The following EPHA6 variants were observed in gnomAD, a reference collection of about 807,000 sequenced individuals.
EPHA6 encodes the protein EPH receptor A6.
Under a neutral mutation model 112.0 loss-of-function variants are expected in EPHA6, and 50 were observed. The ratio of observed to expected loss-of-function variants is 0.45; its 90% CI spans 0.36 to 0.56. The LOEUF is 0.56. Ranked by LOEUF, EPHA6 falls within the 20% of genes least tolerant of loss-of-function variation. The pLI, the probability that EPHA6 is intolerant of heterozygous loss-of-function variation, is 0.00. For synonymous variants in EPHA6, 529 were observed against 490.7 expected, an observed-to-expected ratio of 1.08 and a Z score of -1.03; for missense variants, 1,280 against 1,417.4, an observed-to-expected ratio of 0.90 and a Z score of 1.56.
chr3:97,494,830 G>T (rs1292461036), intron 10 of EPHA6, among the ~76,000 whole-genome samples: 1 of 152,096 alleles, frequency 6.6e-6, no homozygotes, highest in Non-Finnish European at 1.5e-5. Context: ...AATAGTTAAA[G>T]AACAACATGT....
chr3:97,611,713 C>T (rs538890933), intron 13 of EPHA6, among the ~76,000 whole-genome samples: 1 of 151,818 alleles, frequency 6.6e-6, no homozygotes, highest in African/African-American at 2.4e-5. Flanking sequence ...AACTATTTTT[C>T]TCACTTACAA....
intron 12 of EPHA6, among the ~76,000 whole-genome samples, chr3:97,601,393 T>C (rs1011369579): frequency 1.3e-5 from 2 of 152,114 alleles, no homozygotes; most frequent in African/African-American, 4.8e-5. Context: ...TCTATTCCTC[T>C]CCAGAGAGCC....
rs558043768 is a variant in EPHA6 at position 97,440,551 on chromosome 3, T to TA, written c.1732-8009dup. On this transcript the variant is annotated intron_variant, in intron 6 of 17. Coordinates refer to ENST00000389672, the MANE Select transcript of EPHA6 (RefSeq NM_001080448.3). ...AAACCATTAACAAAATCAGAGAAAT[T>TA]AAAAAAAACCCACCACATCTCCAAT... is the stretch of plus-strand genomic sequence containing the variant. Among the ~76,000 whole-genome samples the TA allele has an allele frequency of 5.3e-3, 803 of 150,958 alleles. 10 individuals carry two copies. The highest frequency in any genetic ancestry group is 0.02 in the Admixed American group (307 of 15,154).
At chr3:97,627,367 A>T (rs2093866720) in intron 13 of EPHA6, among the ~76,000 whole-genome samples, 1 of 151,766 alleles carries the variant, frequency 6.6e-6, no homozygotes, top group Non-Finnish European at 1.5e-5. Context: ...TGGAGTTGAG[A>T]GTGGGTTTCA....
intron 6 of EPHA6, among the ~76,000 whole-genome samples, chr3:97,431,913 C>A (rs2089533863): frequency 1.3e-5 from 2 of 152,052 alleles, no homozygotes; most frequent in South Asian, 4.1e-4. Flanking sequence ...CTAAAACATG[C>A]AATAATCAAT....
chr3:97,000,262 A>AAC (rs368625563), intron 3 of EPHA6, among the ~76,000 whole-genome samples: 4,556 of 140,506 alleles, frequency 0.032, 107 homozygotes, highest in Non-Finnish European at 0.046. Context: ...TGTATGTATA[A>AAC]ACACACACAC....
intron 7 of EPHA6, among the ~76,000 whole-genome samples, chr3:97,453,572 A>G (rs1040703951): frequency 3.3e-5 from 5 of 151,744 alleles, no homozygotes; most frequent in Non-Finnish European, 5.9e-5. Flanking sequence ...TATAAAAATC[A>G]TTATAATCAA....
chr3:97,128,182 G>T (rs2048235651), intron 3 of EPHA6, among the ~76,000 whole-genome samples: 1 of 151,984 alleles, frequency 6.6e-6, no homozygotes, highest in African/African-American at 2.4e-5. Flanking sequence ...GCTGCAAAAG[G>T]CATGATTTTA....
intron 12 of EPHA6, among the ~76,000 whole-genome samples, chr3:97,601,651 A>C (rs888121539): frequency 1.3e-5 from 2 of 151,944 alleles, no homozygotes; most frequent in Non-Finnish European, 2.9e-5. Flanking sequence ...AAAATTAAAC[A>C]TTTGGAAGAG....
chr3:96,851,785 A>G (rs1240006784), intron 1 of EPHA6, among the ~76,000 whole-genome samples: 1 of 152,120 alleles, frequency 6.6e-6, no homozygotes, highest in Non-Finnish European at 1.5e-5. Flanking sequence ...ATAACTTGAA[A>G]TAAATTTAGT....
intron 6 of EPHA6, among the ~76,000 whole-genome samples, chr3:97,413,671 C>G (rs1198380571): frequency 1.3e-5 from 2 of 151,920 alleles, no homozygotes; most frequent in Non-Finnish European, 2.9e-5. Context: ...TTGCATGGCT[C>G]AGTTCCCAAG....
intron 10 of EPHA6, among the ~76,000 whole-genome samples, chr3:97,497,866 A>G (rs2092020121): frequency 6.6e-6 from 1 of 152,128 alleles, no homozygotes; most frequent in South Asian, 2.1e-4. Flanking sequence ...ATAGATTGCA[A>G]TTAAAATGAT....
At chr3:96,916,660 T>C (rs1018608651) in intron 2 of EPHA6, among the ~76,000 whole-genome samples, 3 of 151,758 alleles carry the variant, frequency 2.0e-5, no homozygotes, top group Non-Finnish European at 2.9e-5. Context: ...ATTGAAAGAG[T>C]TGTCCTCAAA....
chr3:97,212,560 G>C (rs1346892160), intron 3 of EPHA6, among the ~76,000 whole-genome samples: 1 of 152,104 alleles, frequency 6.6e-6, no homozygotes, highest in African/African-American at 2.4e-5. Context: ...ACTAGAAACA[G>C]CTTTAGAATT....
intron 14 of EPHA6, among the ~76,000 whole-genome samples, chr3:97,645,536 G>C (rs1456580350): frequency 2.6e-5 from 3 of 115,566 alleles, no homozygotes; most frequent in Non-Finnish European, 5.2e-5. Context: ...GAGGGGGGAG[G>C]GATAGCATTG....
At chr3:97,021,456 C>T (rs980093983) in intron 3 of EPHA6, among the ~76,000 whole-genome samples, 1 of 152,128 alleles carries the variant, frequency 6.6e-6, no homozygotes, top group Non-Finnish European at 1.5e-5. Context: ...TCCTTTAGGG[C>T]CTTTGCATTT....
intron 1 of EPHA6, among the ~76,000 whole-genome samples, chr3:96,836,620 C>T (rs138159049): frequency 8.5e-5 from 13 of 152,208 alleles, no homozygotes; most frequent in African/African-American, 3.1e-4. Context: ...TAATTGAATT[C>T]CAAAAACTGT....
rs1307979330 is a variant in EPHA6 at position 96,918,673 on chromosome 3, G to A, written c.450+51784G>A. ...TAATGTTATTTTATGGGAAAAATAT[G>A]TATTTCAAACTTGGGCTTTAAGTAT... is the stretch of plus-strand genomic sequence containing the variant. On this transcript the variant is annotated intron_variant, in intron 2 of 17. Transcript: ENST00000389672. Among the ~76,000 whole-genome samples the A allele has an allele frequency of 2.0e-5, 3 of 152,106 alleles. No homozygotes were observed. The East Asian group carries it at 5.8e-4, about 29-fold the overall frequency.
rs192526929 is a variant in EPHA6 at position 96,930,978 on chromosome 3, T to A, written c.451-56352T>A. On this transcript the variant is annotated intron_variant, in intron 2 of 17. Coordinates refer to ENST00000389672, the MANE Select transcript of EPHA6 (RefSeq NM_001080448.3). ...TTGCACTACAGCCTGGGTGACAGAG[T>A]GAGACTCTGTCTCCAAAAAAAAAAA... Among the ~76,000 whole-genome samples the A allele has an allele frequency of 1.6e-3, 162 of 98,448 alleles. 1 individual carries two copies. The highest frequency in any genetic ancestry group is 6.5e-3 in the African/African-American group (156 of 24,046). The allele number at this position is 98,448 out of a possible 152,430, so 64.6% of individuals were successfully genotyped here. A position where few individuals can be genotyped will look rare whatever the true frequency, so the allele number is the denominator to read the frequency against.
Sources: allele counts gnomAD v4.1 joint callset (sites outside exome capture counted in the v4.1 genomes callset), GRCh38; gene constraint gnomAD v4.1.1; transcripts MANE v1.5; gene names NCBI Gene and HGNC (gene_info 2026-07-23, HGNC 2026-07-21).